Variants in CSMD3 observed in about 807,000 individuals in gnomAD.
CSMD3 encodes CUB and sushi domain-containing protein 3.
Under a neutral mutation model 435.2 loss-of-function variants are expected in CSMD3, and 177 were observed. That is an observed-to-expected ratio of 0.41 (90% CI 0.36 to 0.46). The LOEUF (loss-of-function observed/expected upper bound fraction) is 0.46. Ranked by LOEUF, CSMD3 falls within the 20% of genes least tolerant of loss-of-function variation. CSMD3 has a pLI of 0.34. For synonymous variants in CSMD3, 1,656 were observed against 1,520.5 expected (o/e 1.09, Z -2.07); for missense variants, 4,265 against 4,504.6 (o/e 0.95, Z 1.52).
Position 113,377,211 on chromosome 8 carries a change from C to A in CSMD3, c.178+59466G>T, listed in dbSNP as rs1022859272. The stretch of plus-strand genomic sequence containing the variant: ...TCCAATGGCCGGAAGTTCGAGCGCG[C>A]GAGAGACCGAAGGGCCAGCCGAGGA... On this transcript the variant is annotated intron_variant, in intron 1 of 70. Transcript: ENST00000297405. 10 of 1,048,542 alleles carry A rather than the reference C, an allele frequency of 9.5e-6. No homozygotes were observed. In the African/African-American group the frequency reaches 1.7e-4, roughly 17 times the overall value. The allele number at this position is 1,048,542 out of a possible 1,614,324, so 65.0% of individuals were successfully genotyped here.
intron 7 of CSMD3, among the ~76,000 whole-genome samples, chr8:112,970,301 CTT>C (rs1255785617): frequency 6.8e-6 from 1 of 146,104 alleles, no homozygotes; most frequent in Non-Finnish European, 1.5e-5. Context: ...TAAATATTAA[CTT>C]AAATATGGCA....
chr8:113,153,076 A>AAAAGAAAGAAAGAAAGAAAG lies in CSMD3; in HGVS notation c.709+20626_709+20645dup, dbSNP rs757748243. Among the ~76,000 whole-genome samples the AAAAGAAAGAAAGAAAGAAAG allele has an allele frequency of 1.1e-4, 10 of 89,186 alleles. 1 individual carries two copies. The highest frequency in any genetic ancestry group is 6.2e-4 in the Admixed American group (4 of 6,490). 58.5% of individuals were successfully genotyped at this position (89,186 alleles called of 152,430 possible). A position where few individuals can be genotyped will look rare whatever the true frequency, so the allele number is the denominator to read the frequency against. ...AGAGAGAAAAAAGAAAAAAGAAAGA[A>AAAAGAAAGAAAGAAAGAAAG]AAAGAAAGAAAGAAAGAAAGAAAGA... On this transcript the variant is annotated intron_variant, in intron 4 of 70. Transcript: ENST00000297405.
intron 13 of CSMD3, among the ~76,000 whole-genome samples, chr8:112,710,534 CT>C (rs35963713): frequency 1.3e-5 from 2 of 151,850 alleles, no homozygotes; most frequent in East Asian, 1.9e-4. Flanking sequence ...GAAATTACAA[CT>C]TTTTTTTCTT....
chr8:112,779,126 G>T (rs2078317100), intron 13 of CSMD3, among the ~76,000 whole-genome samples: 1 of 151,346 alleles, frequency 6.6e-6, no homozygotes, highest in African/African-American at 2.4e-5. Context: ...TCTGTAACTT[G>T]TCTTCTCATT....
At chr8:113,435,073 C>G (rs1413503232) in intron 1 of CSMD3, among the ~76,000 whole-genome samples, 1 of 152,228 alleles carries the variant, frequency 6.6e-6, no homozygotes, top group African/African-American at 2.4e-5. Context: ...CACCAACTCC[C>G]AGTGGCAGGC....
chr8:112,762,622 A>G (rs2077869240), intron 13 of CSMD3, among the ~76,000 whole-genome samples: 1 of 151,990 alleles, frequency 6.6e-6, no homozygotes, highest in South Asian at 2.1e-4. Flanking sequence ...AATAGATTAC[A>G]TGAAATAAAC....
chr8:113,036,262 A>G (rs913939214), intron 5 of CSMD3, among the ~76,000 whole-genome samples: 2 of 152,044 alleles, frequency 1.3e-5, no homozygotes, highest in African/African-American at 4.8e-5. Context: ...CAGTGCGTCT[A>G]TTCAAGGTGA....
intron 2 of CSMD3, among the ~76,000 whole-genome samples, chr8:113,284,687 G>C (rs2093633824): frequency 6.6e-6 from 1 of 151,922 alleles, no homozygotes; most frequent in African/African-American, 2.4e-5. Flanking sequence ...ATGTTTTCTA[G>C]GTAATTTAAA....
At chr8:112,739,821 A>G (rs937326217) in intron 13 of CSMD3, among the ~76,000 whole-genome samples, 7 of 151,884 alleles carry the variant, frequency 4.6e-5, no homozygotes, top group Admixed American at 3.9e-4. Context: ...AAGTGTTTGA[A>G]TATTAAATGT....
chr8:113,308,521 G>T lies in CSMD3; in HGVS notation c.401+6050C>A, dbSNP rs532273312. On this transcript the variant is annotated intron_variant, in intron 2 of 70. Coordinates refer to ENST00000297405, the MANE Select transcript of CSMD3 (RefSeq NM_198123.2). ...CTAACCTCGTGATCCGCCTGCCTCG[G>T]CCTCCCAAAGTGCTGGCATTACAGG... is the stretch of plus-strand genomic sequence containing the variant. Among the ~76,000 whole-genome samples the T allele has an allele frequency of 6.6e-5, 10 of 152,072 alleles. No homozygotes were observed. The South Asian group carries it at 1.7e-3, about 25-fold the overall frequency.
intron 6 of CSMD3, 86 bp from the exon 7 acceptor site, chr8:112,976,234 C>T (rs559503221): frequency 1.4e-6 from 2 of 1,419,718 alleles, no homozygotes; most frequent in Admixed American, 1.9e-5. Context: ...ATCATATTCT[C>T]TTCTATTACC....
At chr8:113,176,405 T>C (rs1159142885) in intron 3 of CSMD3, among the ~76,000 whole-genome samples, 1 of 152,108 alleles carries the variant, frequency 6.6e-6, no homozygotes, top group Admixed American at 6.6e-5. Context: ...CTCTCTATGC[T>C]GTCTATGTGC....
chr8:112,617,839 GT>G (rs1396227153), intron 22 of CSMD3, among the ~76,000 whole-genome samples: 1 of 152,082 alleles, frequency 6.6e-6, no homozygotes, highest in Non-Finnish European at 1.5e-5. Context: ...CAATGTATAT[GT>G]TTTTAACAAG....
intron 1 of CSMD3, among the ~76,000 whole-genome samples, chr8:113,419,969 T>G (rs566600153): frequency 6.6e-6 from 1 of 152,276 alleles, no homozygotes; most frequent in Admixed American, 6.5e-5. Flanking sequence ...TACATTCTTA[T>G]ATTTCAAACA....
intron 23 of CSMD3, among the ~76,000 whole-genome samples, chr8:112,578,704 A>G (rs1343799077): frequency 6.6e-6 from 1 of 152,066 alleles, no homozygotes; most frequent in Non-Finnish European, 1.5e-5. Context: ...TTTTTCTAAG[A>G]AGGGTTAGAT....
At chr8:113,241,018 GA>G (rs1312956893) in intron 3 of CSMD3, among the ~76,000 whole-genome samples, 1 of 152,094 alleles carries the variant, frequency 6.6e-6, no homozygotes, top group Non-Finnish European at 1.5e-5. Flanking sequence ...AAATATGGTA[GA>G]AACATATTAT....
At chr8:113,082,652 A>C in intron 5 of CSMD3, among the ~76,000 whole-genome samples, 1 of 152,280 alleles carries the variant, frequency 6.6e-6, no homozygotes, top group Admixed American at 6.5e-5. Flanking sequence ...AAATCAAAAT[A>C]ATAATTTTAA....
chr8:112,775,479 A>G (rs537233225), intron 13 of CSMD3, among the ~76,000 whole-genome samples: 1 of 151,976 alleles, frequency 6.6e-6, no homozygotes, highest in Non-Finnish European at 1.5e-5. Flanking sequence ...TTATAAATTA[A>G]GTTTCGTTTT....
At chr8:112,515,920 T>C (rs1823625464) in intron 28 of CSMD3, among the ~76,000 whole-genome samples, 1 of 152,066 alleles carries the variant, frequency 6.6e-6, no homozygotes, top group South Asian at 2.1e-4. Context: ...CTTGTTTTAT[T>C]GCTAATTTCC....
Sources: allele counts gnomAD v4.1 joint callset (sites outside exome capture counted in the v4.1 genomes callset), GRCh38; gene constraint gnomAD v4.1.1; transcripts MANE v1.5; gene names NCBI Gene and HGNC (gene_info 2026-07-23, HGNC 2026-07-21).